Variants in ALG12 observed in about 807,000 individuals in gnomAD.
ALG12 encodes the protein ALG12 alpha-1,6-mannosyltransferase, also known as dol-P-Man:Man(7)GlcNAc(2)-PP-Dol alpha-1,6-mannosyltransferase.
A neutral mutation model predicts 46.0 loss-of-function variants in ALG12; 36 were observed. The observed-to-expected ratio is 0.78, with a 90% CI of 0.60 to 1.03. The LOEUF (loss-of-function observed/expected upper bound fraction) is 1.03. ALG12 is among the 50% of genes least tolerant of loss of function. The pLI is 0.00. For missense variants in ALG12, 599 were observed against 633.5 expected, an observed-to-expected ratio of 0.95 and a Z score of 0.58; for synonymous variants, 326 against 291.6, an observed-to-expected ratio of 1.12 and a Z score of -1.20.
At chr22:49,864,487 G>A in the ALG12 span, among the ~76,000 whole-genome samples, 1 of 152,138 alleles carries the variant, frequency 6.6e-6, no homozygotes, top group African/African-American at 2.4e-5. Flanking sequence ...ACACGGCCAC[G>A]TCCGATAAAC....
rs936009186 is a variant in ALG12 at position 49,901,315 on chromosome 22, A to G, written c.*2523T>C. 1 of 152,272 alleles carries G rather than the reference A, an allele frequency of 6.6e-6. No individual in the cohort carries two copies. 9.4% of individuals were successfully genotyped at this position (152,272 alleles called of 1,614,324 possible). ...CATCTGGCCTCTGTGGGAGTCAGGA[A>G]GTGTCTGCACAGATGTTCGCCAGAC... On this transcript the variant is annotated 3_prime_UTR_variant, in exon 10 of 10. Coordinates refer to ENST00000330817, the MANE Select transcript of ALG12 (RefSeq NM_024105.4).
intron 7 of ALG12, 88 bp from the exon 8 acceptor site, chr22:49,904,594 C>A (rs948398191): frequency 6.9e-7 from 1 of 1,445,534 alleles, no homozygotes; most frequent in African/African-American, 1.4e-5. Flanking sequence ...GCATAACCTG[C>A]TGTTCAACTT....
the ALG12 span, chr22:49,886,304 A>G: frequency 8.4e-6 from 13 of 1,542,894 alleles, no homozygotes; most frequent in Non-Finnish European, 1.2e-5. The surrounding 1 kb of genome is among the most constrained non-coding windows in gnomAD (Gnocchi z 7.7). Flanking sequence ...GCGCTGCCTC[A>G]GCATCACCTC....
the ALG12 span, among the ~76,000 whole-genome samples, chr22:49,874,505 C>T: frequency 6.6e-6 from 1 of 151,186 alleles, no homozygotes; most frequent in African/African-American, 2.4e-5. Context: ...CCTGCCTCAG[C>T]GTCCCAAGTA....
chr22:49,910,154 G>C (rs1037405427), intron 4 of ALG12, 66 bp from the exon 5 acceptor site: 11 of 1,486,740 alleles, frequency 7.4e-6, no homozygotes, highest in African/African-American at 4.2e-5. Flanking sequence ...AAACACCCGG[G>C]GAAGTGAAGG....
chr22:49,915,009 G>A (rs1359987977), intron 1 of ALG12, among the ~76,000 whole-genome samples: 3 of 152,250 alleles, frequency 2.0e-5, no homozygotes, highest in Non-Finnish European at 2.9e-5. Flanking sequence ...GATTACAGGC[G>A]TGGGCCACCA....
chr22:49,873,214 G>A, the ALG12 span, among the ~76,000 whole-genome samples: 1 of 152,216 alleles, frequency 6.6e-6, no homozygotes. Flanking sequence ...AGCTTTAGAC[G>A]TGCCTTCATC....
chr22:49,885,054 C>A, the ALG12 span: 4 of 1,612,088 alleles, frequency 2.5e-6, no homozygotes, highest in Non-Finnish European at 3.4e-6. Flanking sequence ...TCTGGCATCA[C>A]TTCTCCCTGG....
the ALG12 span, chr22:49,886,509 G>A: frequency 1.2e-5 from 19 of 1,568,092 alleles, no homozygotes; most frequent in African/African-American, 2.3e-4. The surrounding 1 kb of genome is among the most constrained non-coding windows in gnomAD (Gnocchi z 7.7). Flanking sequence ...AGATGAGCAC[G>A]CAGATGTCCA....
In ALG12 at chr22:49,903,848, CGGGG is replaced by C; in HGVS notation, c.1453_1456del (p.Pro485GlyfsTer47). 1 of 1,614,164 alleles carries C rather than the reference CGGGG, an allele frequency of 6.2e-7. No homozygotes were observed. The highest frequency in any genetic ancestry group is 1.1e-5 in the South Asian group (1 of 91,090). ...GCTGCCTGGTCCCCCTCAGGACGGC[CGGGG>C]GAGCCTCTCCAGAAGCACCAGCTTT... On this transcript the variant is annotated frameshift_variant, in exon 10 of 10. Coordinates refer to ENST00000330817, the MANE Select transcript of ALG12 (RefSeq NM_024105.4). LOFTEE classifies it high-confidence loss of function.
the ALG12 span, among the ~76,000 whole-genome samples, chr22:49,874,598 C>T: frequency 2.0e-5 from 3 of 149,578 alleles, no homozygotes; most frequent in African/African-American, 7.4e-5. Context: ...TGCTCTTGAT[C>T]TCCTGACCTC....
chr22:49,887,623 A>C, the ALG12 span: 4 of 172,014 alleles, frequency 2.3e-5, no homozygotes, highest in Non-Finnish European at 5.6e-5. Flanking sequence ...TATCAAATGA[A>C]ATCTGTAAAT....
chr22:49,898,159 C>T (rs1208549620), downstream of ALG12, among the ~76,000 whole-genome samples: 1 of 151,944 alleles, frequency 6.6e-6, no homozygotes, highest in Non-Finnish European at 1.5e-5. Flanking sequence ...CACCATCACA[C>T]CTGAATAAAT....
chr22:49,917,246 C>T (rs2060616482), intron 1 of ALG12, among the ~76,000 whole-genome samples: 1 of 152,224 alleles, frequency 6.6e-6, no homozygotes, highest in Non-Finnish European at 1.5e-5. Flanking sequence ...AGAGCACCCA[C>T]AGGTTAAAAC....
the ALG12 span, chr22:49,887,419 T>C: frequency 3.5e-4 from 144 of 405,906 alleles, 1 homozygote; most frequent in African/African-American, 2.5e-3. Flanking sequence ...CTATGAAATA[T>C]GGTGACTAGA....
At chr22:49,863,381 C>T in the ALG12 span, among the ~76,000 whole-genome samples, 1 of 152,200 alleles carries the variant, frequency 6.6e-6, no homozygotes, top group African/African-American at 2.4e-5. Flanking sequence ...GTAATCCCAG[C>T]ACTTTGGGAG....
chr22:49,892,805 A>T, the ALG12 span, among the ~76,000 whole-genome samples: 2 of 152,242 alleles, frequency 1.3e-5, no homozygotes, highest in Non-Finnish European at 2.9e-5. Flanking sequence ...CAGAGCTCCT[A>T]TAACTTTACA....
Position 49,905,520 on chromosome 22 carries a change from T to A in ALG12, c.993-1014A>T, listed in dbSNP as rs980608888. ...CATCCCCTCCATGCTGTTCTCCTCA[T>A]ACCGAGTGAGTTCTCGAGAGGTCTG... is the stretch of plus-strand genomic sequence containing the variant. On this transcript the variant is annotated intron_variant, in intron 7 of 9. Transcript: ENST00000330817. This position sits in a 1 kb window ranked among gnomAD's most constrained non-coding sequence, Gnocchi z 4.9. Among the ~76,000 whole-genome samples the A allele has an allele frequency of 6.6e-6, 1 of 152,190 alleles. No individual in the cohort carries two copies. The highest frequency in any genetic ancestry group is 1.5e-5 in the Non-Finnish European group (1 of 68,034).
chr22:49,886,901 T>C, the ALG12 span: 1 of 1,614,056 alleles, frequency 6.2e-7, no homozygotes, highest in Non-Finnish European at 8.5e-7. This position sits in a 1 kb window ranked among gnomAD's most constrained non-coding sequence, Gnocchi z 7.7. Flanking sequence ...AGAGAAAAGC[T>C]GCCTGAAGCC....
Sources: gnomAD v4.1 joint callset for allele counts (sites outside exome capture counted in the v4.1 genomes callset) on GRCh38, gnomAD v4.1.1 for gene constraint, Gnocchi (gnomAD v3.1) non-coding constraint, MANE v1.5 for transcripts, NCBI Gene and HGNC (gene_info 2026-07-23, HGNC 2026-07-21) for gene names.